SASH1: variants seen among roughly 807,000 people sequenced by gnomAD.
SASH1 encodes the protein SAM and SH3 domain-containing protein 1.
In SASH1, 44 loss-of-function variants were observed where a neutral mutation model predicts 125.2. The ratio of observed to expected loss-of-function variants is 0.35; its 90% CI spans 0.28 to 0.45. SASH1 has a LOEUF of 0.45. Among genes scored for constraint, SASH1 ranks in the 20% least tolerant of loss-of-function variants. SASH1 has a pLI of 1.00. For synonymous variants in SASH1, 639 were observed against 649.1 expected (o/e 0.98, Z 0.24); for missense variants, 1,426 against 1,614.5 (o/e 0.88, Z 2.00).
intron 1 of SASH1, among the ~76,000 whole-genome samples, chr6:148,289,861 G>GTTTTT (rs144013796): frequency 1.7e-3 from 147 of 85,864 alleles, no homozygotes; most frequent in South Asian, 2.8e-3. Flanking sequence ...TTTTGGTTGT[G>GTTTTT]TTTTTTTTTT....
chr6:148,293,350 C>T (rs1364553487), intron 1 of SASH1, among the ~76,000 whole-genome samples: 6 of 152,170 alleles, frequency 3.9e-5, no homozygotes, highest in African/African-American at 9.7e-5. Context: ...GAGACATCTC[C>T]GATTGGTTTG....
intron 4 of SASH1, among the ~76,000 whole-genome samples, chr6:148,451,584 G>A (rs1270124667): frequency 6.6e-6 from 1 of 152,120 alleles, no homozygotes; most frequent in African/African-American, 2.4e-5. Context: ...GATTGCTTGA[G>A]CTCAGGAGTT....
chr6:148,338,665 G>C (rs187637337), upstream of SASH1, among the ~76,000 whole-genome samples: 23 of 152,184 alleles, frequency 1.5e-4, no homozygotes, highest in Non-Finnish European at 5.9e-5. Context: ...TTGTGATGAT[G>C]ATGATGATGG....
chr6:148,484,365 T>C (rs944898910), intron 7 of SASH1, among the ~76,000 whole-genome samples: 1 of 152,182 alleles, frequency 6.6e-6, no homozygotes, highest in Non-Finnish European at 1.5e-5. Flanking sequence ...AAAATGTCAT[T>C]ATTTTATAAC....
chr6:148,222,961 A>G, the SASH1 span, among the ~76,000 whole-genome samples: 1 of 152,174 alleles, frequency 6.6e-6, no homozygotes, highest in Non-Finnish European at 1.5e-5. Context: ...TATTTATATA[A>G]TGAGGATAAT....
chr6:148,342,560 G>A (rs1250635353), upstream of SASH1: 1 of 152,102 alleles, frequency 6.6e-6, no homozygotes, highest in African/African-American at 2.4e-5. Flanking sequence ...CTTTAGCCTC[G>A]AGGGAGAGAG....
intron 1 of SASH1, among the ~76,000 whole-genome samples, chr6:148,360,680 G>A (rs1782164964): frequency 6.7e-6 from 1 of 149,460 alleles, no homozygotes; most frequent in South Asian, 2.1e-4. Flanking sequence ...AGATGCTGTG[G>A]GGCAGAAAGA....
At chr6:148,531,981 G>A (rs930796439) in intron 13 of SASH1, among the ~76,000 whole-genome samples, 2 of 152,224 alleles carry the variant, frequency 1.3e-5, no homozygotes, top group Non-Finnish European at 2.9e-5. Flanking sequence ...AATAAAGGGA[G>A]TGGGGAAGGG....
chr6:148,378,053 AT>A lies in SASH1; in HGVS notation c.157-12064del, dbSNP rs11412396. ...TGACTGGAGTTCTCTGTCACCCACA[AT>A]TTTTTTTTTTTTTTTTGACGGAGTT... is the stretch of plus-strand genomic sequence containing the variant. On this transcript the variant is annotated intron_variant, in intron 1 of 19. Coordinates refer to ENST00000367467, the MANE Select transcript of SASH1 (RefSeq NM_015278.5). Among the ~76,000 whole-genome samples, 694 of 140,332 alleles carry A rather than the reference AT, an allele frequency of 4.9e-3. 1 individual carries two copies. The highest frequency in any genetic ancestry group is 0.018 in the Middle Eastern group (5 of 276). 92.1% of individuals were successfully genotyped at this position (140,332 alleles called of 152,430 possible).
chr6:148,328,691 C>T (rs1412337964), intron 1 of SASH1, among the ~76,000 whole-genome samples: 1 of 151,992 alleles, frequency 6.6e-6, no homozygotes, highest in Non-Finnish European at 1.5e-5. Flanking sequence ...ACTTACCCAG[C>T]CTGGGATAAA....
chr6:148,499,714 C>T (rs1398898183), intron 8 of SASH1, among the ~76,000 whole-genome samples: 2 of 152,054 alleles, frequency 1.3e-5, no homozygotes. Context: ...GCAGCAAAGT[C>T]AGAGGTCTAG....
intron 4 of SASH1, among the ~76,000 whole-genome samples, chr6:148,443,143 G>GAA (rs3035290): frequency 2.4e-4 from 31 of 129,404 alleles, no homozygotes; most frequent in African/African-American, 7.9e-4. Context: ...GCACTTTTTA[G>GAA]AAAAAAAAAA....
At chr6:148,195,116 G>A in the SASH1 span, among the ~76,000 whole-genome samples, 3 of 152,038 alleles carry the variant, frequency 2.0e-5, no homozygotes, top group Admixed American at 6.5e-5. Context: ...TATTTCACTC[G>A]TTTACTTAGC....
chr6:148,241,453 A>G, the SASH1 span, among the ~76,000 whole-genome samples: 3 of 152,240 alleles, frequency 2.0e-5, no homozygotes, highest in African/African-American at 7.2e-5. Flanking sequence ...ATGCATTGAG[A>G]TGAGAACTCC....
At chr6:148,368,337 C>T (rs942695584) in intron 1 of SASH1, among the ~76,000 whole-genome samples, 1 of 152,198 alleles carries the variant, frequency 6.6e-6, no homozygotes, top group Non-Finnish European at 1.5e-5. Context: ...GTGGCACGAT[C>T]TCGACTCACT....
At chr6:148,298,647 AAGGG>A (rs199849000) in intron 1 of SASH1, among the ~76,000 whole-genome samples, 3,380 of 92,198 alleles carry the variant, frequency 0.037, 158 homozygotes, top group East Asian at 0.13. Context: ...AGAAGGAAGG[AAGGG>A]AGGGAGGGAG....
chr6:148,264,879 A>G, the SASH1 span, among the ~76,000 whole-genome samples: 28 of 152,336 alleles, frequency 1.8e-4, no homozygotes, highest in African/African-American at 6.5e-4. Flanking sequence ...CTGTTTTTGC[A>G]CTTGTCCTTT....
chr6:148,545,498 T>A (rs975496590), intron 18 of SASH1, among the ~76,000 whole-genome samples: 1 of 152,212 alleles, frequency 6.6e-6, no homozygotes, highest in African/African-American at 2.4e-5. Context: ...GTATCACTTG[T>A]AGCAGATAAA....
At chr6:148,316,544 C>T (rs1316658798) in intron 1 of SASH1, among the ~76,000 whole-genome samples, 1 of 152,240 alleles carries the variant, frequency 6.6e-6, no homozygotes, top group Non-Finnish European at 1.5e-5. Context: ...GATTAATTGG[C>T]TTGCCCAGAA....
Sources: allele counts gnomAD v4.1 joint callset (sites outside exome capture counted in the v4.1 genomes callset), GRCh38; gene constraint gnomAD v4.1.1; transcripts MANE v1.5; gene names NCBI Gene and HGNC (gene_info 2026-07-23, HGNC 2026-07-21).